The following CTNNA3 variants were observed in gnomAD, a reference collection of about 807,000 sequenced individuals.
The protein encoded by CTNNA3 is catenin alpha-3.
Under a neutral mutation model 95.7 loss-of-function variants are expected in CTNNA3, and 76 were observed. The ratio of observed to expected loss-of-function variants is 0.79; its 90% CI spans 0.66 to 0.96. CTNNA3 has a LOEUF of 0.96. CTNNA3 is among the 40% of genes least tolerant of loss of function. CTNNA3 has a pLI of 0.00. For synonymous variants in CTNNA3, 431 were observed against 374.4 expected (o/e 1.15, Z -1.74); for missense variants, 1,191 against 1,089.8 (o/e 1.09, Z -1.31).
intron 4 of CTNNA3, among the ~76,000 whole-genome samples, chr10:67,532,907 C>T (rs1840376582): frequency 6.6e-6 from 1 of 152,184 alleles, no homozygotes; most frequent in Admixed American, 6.5e-5. Context: ...ATCAACAACA[C>T]AGCCAGGATT....
At chr10:67,363,278 T>G (rs987159993) in intron 5 of CTNNA3, among the ~76,000 whole-genome samples, 4 of 151,826 alleles carry the variant, frequency 2.6e-5, no homozygotes, top group African/African-American at 7.3e-5. Context: ...GAAACTCATA[T>G]AAAACCAAAA....
chr10:66,421,764 G>A (rs1008654013), intron 11 of CTNNA3, among the ~76,000 whole-genome samples: 10 of 150,508 alleles, frequency 6.6e-5, no homozygotes, highest in African/African-American at 2.4e-4. Context: ...GAACCCGAGA[G>A]GGAGAGGTTG....
At chr10:67,080,766 C>T (rs1002484269) in intron 7 of CTNNA3, among the ~76,000 whole-genome samples, 1 of 151,376 alleles carries the variant, frequency 6.6e-6, no homozygotes, top group Non-Finnish European at 1.5e-5. Context: ...AAAATTAGCC[C>T]GGCGTGGTGG....
intron 5 of CTNNA3, among the ~76,000 whole-genome samples, chr10:67,307,398 A>G (rs1021289642): frequency 6.6e-6 from 1 of 152,220 alleles, no homozygotes; most frequent in Non-Finnish European, 1.5e-5. Flanking sequence ...CTGAGTTCCA[A>G]CAGATGGCAT....
chr10:66,276,823 A>C (rs2091408074), intron 13 of CTNNA3, among the ~76,000 whole-genome samples: 1 of 147,222 alleles, frequency 6.8e-6, no homozygotes, highest in Admixed American at 6.7e-5. Flanking sequence ...ATTATAGCCT[A>C]TTGTTTATTA....
At chr10:67,303,286 A>G (rs1840402282) in intron 5 of CTNNA3, among the ~76,000 whole-genome samples, 1 of 152,182 alleles carries the variant, frequency 6.6e-6, no homozygotes, top group Non-Finnish European at 1.5e-5. Context: ...AGGCTACCCT[A>G]GGAAACCCAA....
chr10:67,585,731 T>A (rs1842602722), intron 3 of CTNNA3, among the ~76,000 whole-genome samples: 1 of 152,176 alleles, frequency 6.6e-6, no homozygotes, highest in Non-Finnish European at 1.5e-5. Context: ...TCTTGGTTGG[T>A]CTAGCTAGCA....
chr10:67,709,777 C>A lies in CTNNA3; in HGVS notation c.-2+53657G>T, dbSNP rs12098760. On this transcript the variant is annotated intron_variant, in intron 1 of 17. Transcript: ENST00000684154. The stretch of plus-strand genomic sequence containing the variant: ...GTTTCTTCCTGGTAATTTTCAGTGA[C>A]CCCACTCTGGTCACTGGCTATAAAT... Among the ~76,000 whole-genome samples, 579 of 152,164 alleles carry A rather than the reference C, an allele frequency of 3.8e-3. 5 individuals carry two copies. The highest frequency in any genetic ancestry group is 0.013 in the African/African-American group (530 of 41,508).
chr10:66,660,776 C>T (rs1223965925), intron 9 of CTNNA3, among the ~76,000 whole-genome samples: 2 of 152,078 alleles, frequency 1.3e-5, no homozygotes, highest in African/African-American at 4.8e-5. Context: ...AAATTGATCT[C>T]TACTCTCATT....
intron 3 of CTNNA3, among the ~76,000 whole-genome samples, chr10:67,585,483 G>GT (rs953676593): frequency 2.0e-5 from 3 of 151,986 alleles, no homozygotes; most frequent in Admixed American, 6.6e-5. Context: ...TTTTGGGGGA[G>GT]TTTTTTTATT....
chr10:66,333,989 G>A (rs7096924), intron 12 of CTNNA3, among the ~76,000 whole-genome samples: 11 of 151,812 alleles, frequency 7.2e-5, no homozygotes, highest in Admixed American at 7.2e-4. Context: ...TGTAATGGCC[G>A]TCTTTATCTC....
intron 5 of CTNNA3, among the ~76,000 whole-genome samples, chr10:67,280,026 A>T (rs1312828989): frequency 1.3e-5 from 2 of 150,532 alleles, no homozygotes; most frequent in Non-Finnish European, 3.0e-5. Context: ...TTACCATAGA[A>T]ATTGTAGGAG....
chr10:66,358,453 T>C (rs1160739529), intron 12 of CTNNA3, among the ~76,000 whole-genome samples: 1 of 152,166 alleles, frequency 6.6e-6, no homozygotes, highest in Non-Finnish European at 1.5e-5. Flanking sequence ...CCTCCAAGAT[T>C]TGCTTTAAGT....
chr10:67,242,570 C>T (rs1228484204), intron 5 of CTNNA3, among the ~76,000 whole-genome samples: 1 of 152,174 alleles, frequency 6.6e-6, no homozygotes. Context: ...GATTTAAACA[C>T]ATTCAGATCC....
intron 7 of CTNNA3, among the ~76,000 whole-genome samples, chr10:66,821,441 A>T (rs1842301226): frequency 6.6e-6 from 1 of 152,100 alleles, no homozygotes; most frequent in South Asian, 2.1e-4. Flanking sequence ...ATAGGAGTTG[A>T]TGTGAAAAAA....
At chr10:67,097,061 T>G (rs1417408716) in intron 7 of CTNNA3, among the ~76,000 whole-genome samples, 1 of 151,894 alleles carries the variant, frequency 6.6e-6, no homozygotes, top group African/African-American at 2.4e-5. Context: ...TATAGGAACT[T>G]GTAAGACATG....
intron 5 of CTNNA3, among the ~76,000 whole-genome samples, chr10:67,389,512 T>A: frequency 6.6e-6 from 1 of 151,758 alleles, no homozygotes; most frequent in Non-Finnish European, 1.5e-5. Context: ...TGAGACAAAG[T>A]CAACAAGGAT....
At chr10:67,521,527 T>C (rs1839984764) in intron 5 of CTNNA3, among the ~76,000 whole-genome samples, 4 of 152,140 alleles carry the variant, frequency 2.6e-5, no homozygotes, top group African/African-American at 7.2e-5. Context: ...GGCCAAGCCA[T>C]TATAGAGACT....
intron 7 of CTNNA3, among the ~76,000 whole-genome samples, chr10:67,112,528 G>A (rs3802550): frequency 0.35 from 53,034 of 151,796 alleles, 9,642 homozygotes; most frequent in Middle Eastern, 0.53. Context: ...TAAGCAGAAT[G>A]GATAAAGTAA....
Sources: allele counts gnomAD v4.1 joint callset (sites outside exome capture counted in the v4.1 genomes callset), GRCh38; gene constraint gnomAD v4.1.1; transcripts MANE v1.5; gene names NCBI Gene and HGNC (gene_info 2026-07-23, HGNC 2026-07-21).